The following AKAP17A variants were observed in gnomAD, a reference collection of about 807,000 sequenced individuals.
AKAP17A encodes A-kinase anchoring protein 17A, also known as A-kinase anchor protein 17A.
A neutral mutation model predicts 52.2 loss-of-function variants in AKAP17A; 15 were observed. That is an observed-to-expected ratio of 0.29 (90% confidence interval 0.19 to 0.44). AKAP17A has a LOEUF of 0.44. Ranked by LOEUF, AKAP17A falls within the 20% of genes least tolerant of loss-of-function variation. The pLI is 1.00. For missense variants in AKAP17A, 1,060 were observed against 1,007.0 expected, an observed-to-expected ratio of 1.05 and a Z score of -0.71; for synonymous variants, 514 against 424.7, an observed-to-expected ratio of 1.21 and a Z score of -2.58.
intron 4 of AKAP17A, chrX:1,600,450 C>A: frequency 1.6e-6 from 1 of 644,460 alleles, no homozygotes; most frequent in Non-Finnish European, 2.6e-6. Context: ...CGCATGATGG[C>A]CCCAGGTGTG....
intron 3 of AKAP17A, among the ~76,000 whole-genome samples, chrX:1,598,283 G>C (rs1282827457): frequency 6.6e-6 from 1 of 151,834 alleles, no homozygotes; most frequent in Non-Finnish European, 1.5e-5. Flanking sequence ...TCACTGTCTG[G>C]GCGTCGGCAC....
At chrX:1,592,099 G>A (rs1289396073) in intron 1 of AKAP17A, among the ~76,000 whole-genome samples, 2 of 151,798 alleles carry the variant, frequency 1.3e-5, no homozygotes. Flanking sequence ...GGATGGGCGG[G>A]AGACTAGGAG....
chrX:1,598,955 G>C (rs1373630384), intron 3 of AKAP17A, among the ~76,000 whole-genome samples: 33 of 152,160 alleles, frequency 2.2e-4, no homozygotes, highest in African/African-American at 7.7e-4. Context: ...CGTGGTTTCA[G>C]GGTTGGGTCA....
intron 4 of AKAP17A, chrX:1,600,017 G>A (rs1933268508): frequency 5.4e-6 from 3 of 553,502 alleles, no homozygotes; most frequent in Non-Finnish European, 9.5e-6. Context: ...CGGGGCCAGG[G>A]CCCACAGACA....
In AKAP17A at chrX:1,600,810, G is replaced by C. The variant is rs1392318074; in HGVS notation, c.1304G>C (p.Arg435Pro). 6.3e-7 allele frequency: 1 copy of C among 1,590,094 alleles called. No individual in the cohort carries two copies. The highest frequency in any genetic ancestry group is 8.5e-7 in the Non-Finnish European group (1 of 1,173,044). ...CTGCAGCGGAAAGAGCGGGAGCTGC[G>C]CGAGCGGCTGCTGAGCATCCTGCTG... ...LGLQRKEREL[R>P]ERLLSILLSK... The change falls in exon 5 of 5, where the codon CGC becomes CCC. Residue 435 changes from arginine to proline, a missense_variant. Coordinates refer to ENST00000313871, the MANE Select transcript of AKAP17A (RefSeq NM_005088.3).
intron 1 of AKAP17A, among the ~76,000 whole-genome samples, chrX:1,592,557 C>G (rs1204903026): frequency 6.6e-6 from 1 of 152,032 alleles, no homozygotes; most frequent in Non-Finnish European, 1.5e-5. Flanking sequence ...CTTTTCTGGT[C>G]GCTTCTCCAC....
rs1488987182 is a variant in AKAP17A, at chrX:1,602,248, A to G, written c.*654A>G. ...AAAACATTCACTTTTTACAACGTCA[A>G]GGAATTAAGCATAAAAAAGATTGGT... On this transcript the variant is annotated 3_prime_UTR_variant, in exon 5 of 5. Transcript: ENST00000313871. The G allele has an allele frequency of 6.6e-6, 1 of 152,254 alleles. No individual in the cohort carries two copies. The highest frequency in any genetic ancestry group is 1.5e-5 in the Non-Finnish European group (1 of 68,054). 9.4% of individuals were successfully genotyped at this position (152,254 alleles called of 1,614,324 possible). A position where few individuals can be genotyped will look rare whatever the true frequency, so the allele number is the denominator to read the frequency against.
chrX:1,600,265 T>TGGCATGCGTCTGC (rs1275219707), intron 4 of AKAP17A: 1 of 1,170,516 alleles, frequency 8.5e-7, no homozygotes, highest in African/African-American at 1.6e-5. Flanking sequence ...GCTACGGCGG[T>TGGCATGCGTCTGC]GGCATGCGTC....
At chrX:1,599,480 T>C in intron 4 of AKAP17A, 48 bp downstream of exon 4, 1 of 1,551,414 alleles carries the variant, frequency 6.4e-7, no homozygotes, top group Non-Finnish European at 8.7e-7. Flanking sequence ...CGGGCTGCCC[T>C]CAGTGCCCTC....
At position 1,591,627 on chromosome X, in the gene AKAP17A, G is replaced by T. The variant is rs1203071697; in HGVS notation, c.-162G>T. 6.6e-6 allele frequency: 1 copy of T among 152,336 alleles called. No individual in the cohort carries two copies. The highest frequency in any genetic ancestry group is 1.9e-4 in the East Asian group (1 of 5,156). The allele number at this position is 152,336 out of a possible 1,614,324, so 9.4% of individuals were successfully genotyped here. On this transcript the variant is annotated 5_prime_UTR_variant, in exon 1 of 5. Transcript: ENST00000313871. Reference sequence around the variant, plus strand: ...GCGTCATAGAGGGCGGGCGGCGACGGCGGTGGCGGCGTCGGAGGCGCCTCC... The same window carrying T: ...GCGTCATAGAGGGCGGGCGGCGACGTCGGTGGCGGCGTCGGAGGCGCCTCC...
chrX:1,594,129 G>A lies in AKAP17A; in HGVS notation c.667G>A (p.Glu223Lys). 3 of 1,612,530 alleles carry A rather than the reference G, an allele frequency of 1.9e-6. No homozygotes were observed. Among genetic ancestry groups the A allele is most frequent in the Non-Finnish European group, 2.5e-6 (3 of 1,179,240 alleles). ...CTTCGAGGCCTATGTGCAGTACCGC[G>A]AGTACATGGGCTTCATCCAGGCCAT... Reference protein sequence around the residue: ...LNFEAYVQYREYMGFIQAMSA... With the variant: ...LNFEAYVQYRKYMGFIQAMSA... The change falls in exon 2 of 5, where the codon GAG becomes AAG. Residue 223 changes from glutamate to lysine, a missense_variant. Glu to Lys is a moderately conservative substitution (Grantham distance 56). Transcript: ENST00000313871.
intron 1 of AKAP17A, among the ~76,000 whole-genome samples, chrX:1,593,152 G>A (rs1228365853): frequency 6.6e-6 from 1 of 152,154 alleles, no homozygotes; most frequent in Non-Finnish European, 1.5e-5. Context: ...CAGGCCTTGG[G>A]AGCTGCTGGC....
At chrX:1,593,394 C>T (rs1473108773) in intron 1 of AKAP17A, 50 bp from the exon 2 acceptor site, 8 of 1,545,320 alleles carry the variant, frequency 5.2e-6, no homozygotes, top group East Asian at 2.3e-5. Flanking sequence ...TCCTCATTGG[C>T]GGGGGAGGTG....
rs141826922 is a variant in AKAP17A, at chrX:1,592,649, T to G, written c.-19-795T>G. Among the ~76,000 whole-genome samples, 1,089 of 152,062 alleles carry G rather than the reference T, an allele frequency of 7.2e-3. 17 individuals are homozygous for G. Among genetic ancestry groups the G allele is most frequent in the African/African-American group, 0.025 (1,038 of 41,478 alleles). ...TGGGCCTGGCAGGAAGCCTCCAGGTTGATGGGGTGGGCGGCCGGGCCGGAG... is the reference window on the plus strand; with the variant it reads ...TGGGCCTGGCAGGAAGCCTCCAGGTGGATGGGGTGGGCGGCCGGGCCGGAG... On this transcript the variant is annotated intron_variant, in intron 1 of 4. Transcript: ENST00000313871.
intron 2 of AKAP17A, among the ~76,000 whole-genome samples, chrX:1,594,704 C>T (rs745326388): frequency 2.2e-4 from 33 of 151,934 alleles, no homozygotes; most frequent in Non-Finnish European, 4.3e-4. Flanking sequence ...GTGCATCCTC[C>T]GCCTCCTGGG....
intron 3 of AKAP17A, among the ~76,000 whole-genome samples, chrX:1,596,739 C>CTG: frequency 1.3e-5 from 1 of 75,814 alleles, no homozygotes; most frequent in African/African-American, 6.4e-5. Context: ...TCCGTCCCTC[C>CTG]CACCCTCCTA....
intron 2 of AKAP17A, among the ~76,000 whole-genome samples, chrX:1,594,771 A>G (rs1196338316): frequency 1.3e-5 from 2 of 151,982 alleles, no homozygotes; most frequent in African/African-American, 4.8e-5. Flanking sequence ...GGCGCGTGCC[A>G]TCACACCTGG....
chrX:1,599,601 C>T (rs1170178297), intron 4 of AKAP17A, 169 bp downstream of exon 4: 19 of 957,106 alleles, frequency 2.0e-5, no homozygotes, highest in South Asian at 4.2e-5. Flanking sequence ...GGGTGTAGCG[C>T]TCGTCTGTCG....
At chrX:1,592,110 G>A (rs1469981275) in intron 1 of AKAP17A, among the ~76,000 whole-genome samples, 4 of 151,840 alleles carry the variant, frequency 2.6e-5, no homozygotes, top group Non-Finnish European at 4.4e-5. Flanking sequence ...AGACTAGGAG[G>A]CCTGGGACTA....
Sources: allele counts gnomAD v4.1 joint callset (sites outside exome capture counted in the v4.1 genomes callset), GRCh38; gene constraint gnomAD v4.1.1; transcripts MANE v1.5; gene names NCBI Gene and HGNC (gene_info 2026-07-23, HGNC 2026-07-21).